ARHGAP10: variants seen among roughly 807,000 people sequenced by gnomAD.
ARHGAP10 encodes the protein Rho GTPase activating protein 10.
In ARHGAP10, 87 loss-of-function variants were observed where a neutral mutation model predicts 108.6. The ratio of observed to expected loss-of-function variants is 0.80; its 90% confidence interval spans 0.67 to 0.96. The LOEUF (loss-of-function observed/expected upper bound fraction) is 0.96. ARHGAP10 is among the 40% of genes least tolerant of loss of function. The pLI is 0.00. For synonymous variants in ARHGAP10, 347 were observed against 341.1 expected, an observed-to-expected ratio of 1.02 and a Z score of -0.19; for missense variants, 939 against 954.5, an observed-to-expected ratio of 0.98 and a Z score of 0.21.
chr4:147,795,345 CT>C (rs1731273613), intron 1 of ARHGAP10, among the ~76,000 whole-genome samples: 1 of 152,160 alleles, frequency 6.6e-6, no homozygotes, highest in Admixed American at 6.5e-5. Flanking sequence ...CTACGTTTGT[CT>C]TTTTATACCT....
chr4:148,047,045 C>T lies in ARHGAP10; in HGVS notation c.2021C>T (p.Ser674Phe). The stretch of plus-strand genomic sequence containing the variant: ...GGAGGGAGCTTTGGAGACTGGGCAT[C>T]CACTATGTAAGTAACCGTGCTTCTG... Reference protein sequence around the residue: ...ADGGSFGDWASTIPGQTRSSM... With the variant: ...ADGGSFGDWAFTIPGQTRSSM... The change falls in exon 20 of 23, where the codon TCC becomes TTC. Residue 674 changes from serine (S) to phenylalanine (F), a missense_variant. By Grantham distance (155) the Ser-to-Phe change is radical. Coordinates refer to ENST00000336498, the MANE Select transcript of ARHGAP10 (RefSeq NM_024605.4). 6.2e-7 allele frequency: 1 copy of T among 1,614,106 alleles called. No individual in the cohort carries two copies. The highest frequency in any genetic ancestry group is 8.5e-7 in the Non-Finnish European group (1 of 1,180,010).
intron 18 of ARHGAP10, among the ~76,000 whole-genome samples, chr4:148,003,857 T>G (rs1740833996): frequency 8.7e-6 from 1 of 114,310 alleles, no homozygotes; most frequent in Non-Finnish European, 1.7e-5. Flanking sequence ...GTCTTGACTC[T>G]TTATCCTATT....
At chr4:148,018,868 C>T (rs1741453461) in intron 18 of ARHGAP10, among the ~76,000 whole-genome samples, 1 of 152,156 alleles carries the variant, frequency 6.6e-6, no homozygotes, top group Non-Finnish European at 1.5e-5. Flanking sequence ...GAGACTTGTG[C>T]TAATTGTTTA....
intron 10 of ARHGAP10, among the ~76,000 whole-genome samples, chr4:147,888,991 G>A (rs1275536244): frequency 1.3e-5 from 2 of 152,140 alleles, no homozygotes; most frequent in Non-Finnish European, 2.9e-5. Context: ...ATTCCATGAG[G>A]GTAGGAACAC....
intron 20 of ARHGAP10, among the ~76,000 whole-genome samples, chr4:148,059,445 GACA>G (rs765439402): frequency 4.6e-5 from 7 of 151,932 alleles, no homozygotes; most frequent in African/African-American, 9.7e-5. Context: ...TAGTTAAAGG[GACA>G]ACAAGAAAAA....
chr4:147,879,279 C>A lies in ARHGAP10; in HGVS notation c.880C>A (p.Arg294=), dbSNP rs755514129. Residue 294 remains arginine (R), a synonymous_variant, in exon 9 of 23, where the codon CGA becomes AGA. Coordinates refer to ENST00000336498, the MANE Select transcript of ARHGAP10 (RefSeq NM_024605.4). ...SSWVKHYCMY[R]KAAKKFNMIP... is the part of the protein sequence containing the mutation. ...TTGGGTCAAACACTATTGCATGTAT[C>A]GAAAAGCAGCAAAGAAGTTCAACAT... The A allele has an allele frequency of 5.6e-6, 9 of 1,613,902 alleles. No homozygotes were observed. Among genetic ancestry groups the A allele is most frequent in the Non-Finnish European group, 7.6e-6 (9 of 1,179,934 alleles).
Position 147,788,832 on chromosome 4 carries a change from A to C in ARHGAP10, c.155-33895A>C, listed in dbSNP as rs1420695774. 2.0e-5 allele frequency among the ~76,000 whole-genome samples: 3 copies of C among 152,230 alleles called. No individual in the cohort carries two copies. The East Asian group carries it at 5.8e-4, about 29-fold the overall frequency. The stretch of plus-strand genomic sequence containing the variant: ...AAATCTAGATATTTTCACATGCTTG[A>C]GAAAACATTCATGCTTTATTAAGCT... On this transcript the variant is annotated intron_variant, in intron 1 of 22. Transcript: ENST00000336498.
At chr4:147,886,802 G>T (rs560818398) in intron 10 of ARHGAP10, among the ~76,000 whole-genome samples, 3 of 152,114 alleles carry the variant, frequency 2.0e-5, no homozygotes, top group East Asian at 3.9e-4. Context: ...ATAGAGTCTC[G>T]CTCTGTCACC....
At chr4:147,934,885 A>C (rs1737864415) in intron 13 of ARHGAP10, among the ~76,000 whole-genome samples, 1 of 152,216 alleles carries the variant, frequency 6.6e-6, no homozygotes, top group Admixed American at 6.5e-5. Context: ...GGAATCAATT[A>C]TGAGTTATGT....
intron 5 of ARHGAP10, chr4:147,858,323 G>C (rs1408197588): frequency 6.9e-6 from 1 of 144,596 alleles, no homozygotes; most frequent in Non-Finnish European, 1.5e-5. Flanking sequence ...TTAGGATTTA[G>C]TCTCATCCCA....
chr4:147,904,159 G>T (rs935212063), intron 10 of ARHGAP10, among the ~76,000 whole-genome samples: 1 of 152,082 alleles, frequency 6.6e-6, no homozygotes, highest in South Asian at 2.1e-4. Flanking sequence ...TCTAGTGAGT[G>T]TGTTGTATTT....
At chr4:147,938,624 A>G (rs1012354462) in intron 13 of ARHGAP10, among the ~76,000 whole-genome samples, 1 of 152,150 alleles carries the variant, frequency 6.6e-6, no homozygotes, top group Non-Finnish European at 1.5e-5. Context: ...CTTGAATCCA[A>G]TTCTTTAGAC....
At chr4:148,008,282 G>T (rs1209263523) in intron 18 of ARHGAP10, among the ~76,000 whole-genome samples, 1 of 152,036 alleles carries the variant, frequency 6.6e-6, no homozygotes, top group African/African-American at 2.4e-5. Flanking sequence ...AAATTAATCA[G>T]TATCTCCCCC....
intron 5 of ARHGAP10, among the ~76,000 whole-genome samples, chr4:147,859,578 T>A (rs7664567): frequency 6.6e-6 from 1 of 152,102 alleles, no homozygotes; most frequent in African/African-American, 2.4e-5. Context: ...CCAGCCTATT[T>A]TTTTTCATAG....
intron 3 of ARHGAP10, among the ~76,000 whole-genome samples, chr4:147,843,168 C>G (rs1733486413): frequency 2.0e-5 from 3 of 152,192 alleles, no homozygotes; most frequent in Admixed American, 2.0e-4. Flanking sequence ...GTATGACAGG[C>G]CAACCCTCCA....
chr4:147,991,207 C>A (rs748812470), intron 18 of ARHGAP10, among the ~76,000 whole-genome samples: 1 of 151,654 alleles, frequency 6.6e-6, no homozygotes, highest in Non-Finnish European at 1.5e-5. Context: ...GTCTAGGGCC[C>A]GCTTCTCTGG....
chr4:147,792,891 T>C (rs1184768279), intron 1 of ARHGAP10, among the ~76,000 whole-genome samples: 1 of 152,222 alleles, frequency 6.6e-6, no homozygotes, highest in African/African-American at 2.4e-5. Context: ...GGCTCACTCC[T>C]GTAATCCCAG....
chr4:148,032,128 T>G (rs1052252369), intron 19 of ARHGAP10, among the ~76,000 whole-genome samples: 1 of 151,946 alleles, frequency 6.6e-6, no homozygotes. Context: ...AAAAATAATT[T>G]AAAAAATAAA....
chr4:147,753,372 C>G (rs533329235), intron 1 of ARHGAP10, among the ~76,000 whole-genome samples: 111 of 147,078 alleles, frequency 7.5e-4, no homozygotes, highest in African/African-American at 2.5e-3. Context: ...TTTTTTGAGA[C>G]ACAGTCTGTT....
Sources: gnomAD v4.1 joint callset for allele counts (sites outside exome capture counted in the v4.1 genomes callset) on GRCh38, gnomAD v4.1.1 for gene constraint, MANE v1.5 for transcripts, NCBI Gene and HGNC (gene_info 2026-07-23, HGNC 2026-07-21) for gene names.